The following NEIL1 variants were observed in gnomAD, a reference collection of about 807,000 sequenced individuals.
NEIL1 encodes nei like DNA glycosylase 1, also known as endonuclease 8-like 1.
NEIL1 carries 31 observed loss-of-function variants against 44.2 expected under a neutral mutation model. That is an observed-to-expected ratio of 0.70 (90% CI 0.53 to 0.95). The LOEUF is 0.95. Among genes scored for constraint, NEIL1 ranks in the 40% least tolerant of loss-of-function variants. The pLI is 0.00. For missense variants in NEIL1, 549 were observed against 515.5 expected (o/e 1.07, Z -0.63); for synonymous variants, 254 against 209.7 (o/e 1.21, Z -1.83).
At chr15:75,347,739 C>T (rs1414464373) in intron 1 of NEIL1, 2 of 982,894 alleles carry the variant, frequency 2.0e-6, no homozygotes, top group Non-Finnish European at 2.5e-6. Context: ...TTTGGGGGGC[C>T]CTGAGGAGGA....
Position 75,353,886 on chromosome 15 carries a change from A to G in NEIL1, c.846+20A>G, listed in dbSNP as rs755176996. ...TTCCAGGTTGGGCCCTACTGTTCAC[A>G]CAGGCAGAGACCCCAGGAGGCTGAT... On this transcript the variant is annotated intron_variant, in intron 6 of 9. Transcript: ENST00000355059. 19 of 1,611,626 alleles carry G rather than the reference A, an allele frequency of 1.2e-5. No homozygotes were observed. Among genetic ancestry groups the G allele is most frequent in the Middle Eastern group, 2.1e-4 (1 of 4,652 alleles).
Position 75,356,206 on chromosome 15 carries a change from G to T in NEIL1, c.*1172G>T. 5 of 1,613,336 alleles carry T rather than the reference G, an allele frequency of 3.1e-6. No homozygotes were observed. In the East Asian group the frequency reaches 1.1e-4, roughly 36 times the overall value. On this transcript the variant is annotated 3_prime_UTR_variant, in exon 10 of 10. Transcript: ENST00000355059. This position sits in a 1 kb window ranked among gnomAD's most constrained non-coding sequence, Gnocchi z 5.8. The stretch of plus-strand genomic sequence containing the variant: ...CCTCAGGACCAGCGAGCGGCGCTGG[G>T]GGCTGCTCTCCGCCTGCAGAGGAAC...
In NEIL1 at chr15:75,355,433, G is replaced by A. The variant is rs529143525; in HGVS notation, c.*399G>A. 8.9e-6 allele frequency: 2 copies of A among 224,026 alleles called. No individual in the cohort carries two copies. Among genetic ancestry groups the A allele is most frequent in the African/African-American group, 4.8e-5 (2 of 41,790 alleles). The allele number at this position is 224,026 out of a possible 1,614,324, so 13.9% of individuals were successfully genotyped here. A position where few individuals can be genotyped will look rare whatever the true frequency, so the allele number is the denominator to read the frequency against. ...CCTCAGAGGTGGTACAAAGACCCTG[G>A]CCCCAGGCAGCCCAGGAGCCAGAGC... is the stretch of plus-strand genomic sequence containing the variant. On this transcript the variant is annotated 3_prime_UTR_variant, in exon 10 of 10. Coordinates refer to ENST00000355059, the MANE Select transcript of NEIL1 (RefSeq NM_024608.4).
rs1213549309 is a variant in NEIL1, at chr15:75,356,396, G to A, written c.*1362G>A. On this transcript the variant is annotated 3_prime_UTR_variant, in exon 10 of 10. Transcript: ENST00000355059. The surrounding 1 kb of genome is among the most constrained non-coding windows in gnomAD (Gnocchi z 5.8). Reference sequence around the variant, plus strand: ...GGGCTGGGGGCTGGCAGAGCCAACAGGGGGAAGTTTAGGCTGTAGGCAGCT... The same window carrying A: ...GGGCTGGGGGCTGGCAGAGCCAACAAGGGGAAGTTTAGGCTGTAGGCAGCT... 22 of 1,610,684 alleles carry A rather than the reference G, an allele frequency of 1.4e-5. No individual in the cohort carries two copies. The highest frequency in any genetic ancestry group is 1.8e-5 in the Non-Finnish European group (21 of 1,178,752).
At chr15:75,352,455 G>T in intron 4 of NEIL1, 68 bp downstream of exon 4, 1 of 1,594,790 alleles carries the variant, frequency 6.3e-7, no homozygotes, top group Non-Finnish European at 8.6e-7. Flanking sequence ...GCAAGGAGAT[G>T]GGTGGGGTCA....
chr15:75,356,377 G>C lies in NEIL1; in HGVS notation c.*1343G>C. 6.2e-7 allele frequency: 1 copy of C among 1,611,778 alleles called. No homozygotes were observed. Among genetic ancestry groups the C allele is most frequent in the Non-Finnish European group, 8.5e-7 (1 of 1,179,242 alleles). ...CCAGGAGGTGGCGGGCGCTGGGCTGGGGGCTGGCAGAGCCAACAGGGGGAA... is the reference window on the plus strand; with the variant it reads ...CCAGGAGGTGGCGGGCGCTGGGCTGCGGGCTGGCAGAGCCAACAGGGGGAA... On this transcript the variant is annotated 3_prime_UTR_variant, in exon 10 of 10. Transcript: ENST00000355059. This position sits in a 1 kb window ranked among gnomAD's most constrained non-coding sequence, Gnocchi z 5.8.
intron 7 of NEIL1, 59 bp downstream of exon 7, chr15:75,354,336 G>A: frequency 6.2e-7 from 1 of 1,612,018 alleles, no homozygotes; most frequent in Non-Finnish European, 8.5e-7. Flanking sequence ...GCCTGCAAGG[G>A]CTACAGCACC....
chr15:75,351,882 A>C, intron 2 of NEIL1: 1 of 466,428 alleles, frequency 2.1e-6, no homozygotes. Context: ...TCGGCCTCCC[A>C]AAGTGCTGAG....
rs1422617415 is a variant in NEIL1, at chr15:75,348,944, T to G, written c.39T>G (p.Phe13Leu). 1.2e-6 allele frequency: 2 copies of G among 1,613,266 alleles called. No individual in the cohort carries two copies. The highest frequency in any genetic ancestry group is 1.7e-6 in the Non-Finnish European group (2 of 1,180,010). ...EGPELHLASQ[F>L]VNEACRALVF... ...CCGAGCTGCACCTGGCCAGCCAGTT[T>G]GTGAATGAGGCCTGCAGGGCGCTGG... Residue 13 changes from phenylalanine (F) to leucine (L), a missense_variant, in exon 2 of 10, where the codon TTT becomes TTG. By Grantham distance (22) the Phe-to-Leu change is conservative. Coordinates refer to ENST00000355059, the MANE Select transcript of NEIL1 (RefSeq NM_024608.4).
intron 1 of NEIL1, chr15:75,348,367 T>TAGATCTCGGTGGTCGCC: frequency 5.1e-6 from 5 of 977,876 alleles, no homozygotes; most frequent in Admixed American, 6.1e-5. Context: ...GTCCTAAGTG[T>TAGATCTCGGTGGTCGCC]GGGGGGAGGG....
Position 75,356,846 on chromosome 15 carries a change from G to C in NEIL1, c.*1812G>C. The C allele has an allele frequency of 6.2e-7, 1 of 1,614,150 alleles. No homozygotes were observed. The highest frequency in any genetic ancestry group is 8.5e-7 in the Non-Finnish European group (1 of 1,180,050). ...CTGACGCGCCATACTTGCAGTCGTT[G>C]AGCAGGGCCAGCCCAAAGCCGTGTT... On this transcript the variant is annotated 3_prime_UTR_variant, in exon 10 of 10. Coordinates refer to ENST00000355059, the MANE Select transcript of NEIL1 (RefSeq NM_024608.4). The surrounding 1 kb of genome is among the most constrained non-coding windows in gnomAD (Gnocchi z 5.8).
In NEIL1 at chr15:75,348,917, C is replaced by G. The variant is rs201690765; in HGVS notation, c.12C>G (p.Gly4=). The part of the protein sequence containing the change: MPE[G]PELHLASQFV... The stretch of plus-strand genomic sequence containing the variant: ...CACCCTCCCTCAGGATGCCTGAGGG[C>G]CCCGAGCTGCACCTGGCCAGCCAGT... The change falls in exon 2 of 10, where the codon GGC becomes GGG. Residue 4 remains glycine, a synonymous_variant. Coordinates refer to ENST00000355059, the MANE Select transcript of NEIL1 (RefSeq NM_024608.4). 1.1e-4 allele frequency: 171 copies of G among 1,611,720 alleles called. No homozygotes were observed. Among genetic ancestry groups the G allele is most frequent in the Admixed American group, 4.2e-4 (25 of 60,034 alleles).
rs2071677585 is a variant in NEIL1, at chr15:75,349,144, G to C, written c.239G>C (p.Gly80Ala). 6.2e-7 allele frequency: 1 copy of C among 1,610,074 alleles called. No homozygotes were observed. The highest frequency in any genetic ancestry group is 1.3e-5 in the African/African-American group (1 of 75,054). ...QEPLALVFRF[G>A]MSGSFQLVPR... ...CCACTGGCCCTGGTCTTCCGCTTCG[G>C]CATGTCCGGCTCTTTTCAGCTGGTG... Residue 80 changes from glycine to alanine, a missense_variant, in exon 2 of 10, where the codon GGC becomes GCC. By Grantham distance (60) the Gly-to-Ala change is moderately conservative. Transcript: ENST00000355059.
chr15:75,353,794 C>T lies in NEIL1; in HGVS notation c.774C>T (p.Ala258=), dbSNP rs767540442. 6.2e-7 allele frequency: 1 copy of T among 1,614,062 alleles called. No homozygotes were observed. The highest frequency in any genetic ancestry group is 2.2e-5 in the East Asian group (1 of 44,892). Residue 258 remains alanine, a synonymous_variant, in exon 6 of 10, where the codon GCC becomes GCT. Transcript: ENST00000355059. ...SGEEDFAAFR[A]WLRCYGMPGM... ...AGGAGGACTTTGCTGCCTTTCGAGC[C>T]TGGCTGCGCTGCTATGGCATGCCAG...
intron 1 of NEIL1, chr15:75,347,858 G>A (rs866242825): frequency 8.4e-7 from 1 of 1,190,976 alleles, no homozygotes; most frequent in Non-Finnish European, 1.1e-6. Context: ...ACGTTCTCCC[G>A]CAAAACGAGC....
chr15:75,354,793 G>A lies in NEIL1; in HGVS notation c.1077G>A (p.Arg359=), dbSNP rs1288500139. The change falls in exon 9 of 10, where the codon AGG becomes AGA. Residue 359 remains arginine, a synonymous_variant. Coordinates refer to ENST00000355059, the MANE Select transcript of NEIL1 (RefSeq NM_024608.4). ...PEAPTVPKKG[R]RKGRQAASGH... ...CTCCCACAGTGCCCAAGAAGGGGAG[G>A]AGGAAGGGGCGACAGGCAGCCTCTG... 2 of 1,614,088 alleles carry A rather than the reference G, an allele frequency of 1.2e-6. No individual in the cohort carries two copies. Among genetic ancestry groups the A allele is most frequent in the African/African-American group, 1.3e-5 (1 of 75,038 alleles).
rs2072298677 is a variant in NEIL1 at position 75,356,349 on chromosome 15, A to T, written c.*1315A>T. 6.2e-7 allele frequency: 1 copy of T among 1,612,220 alleles called. No individual in the cohort carries two copies. On this transcript the variant is annotated 3_prime_UTR_variant, in exon 10 of 10. Transcript: ENST00000355059. This position sits in a 1 kb window ranked among gnomAD's most constrained non-coding sequence, Gnocchi z 5.8. ...CCGCGGGTGAAGACACGGAAAACGCACTCCAGGAGGTGGCGGGCGCTGGGC... is the reference window on the plus strand; with the variant it reads ...CCGCGGGTGAAGACACGGAAAACGCTCTCCAGGAGGTGGCGGGCGCTGGGC...
In NEIL1 at chr15:75,353,802, G is replaced by A. The variant is rs534563246; in HGVS notation, c.782G>A (p.Arg261His). 5 of 1,613,864 alleles carry A rather than the reference G, an allele frequency of 3.1e-6. No individual in the cohort carries two copies. In the South Asian group the frequency reaches 3.3e-5, roughly 11 times the overall value. Residue 261 changes from arginine (R) to histidine (H), a missense_variant, in exon 6 of 10, where the codon CGC becomes CAC. Coordinates refer to ENST00000355059, the MANE Select transcript of NEIL1 (RefSeq NM_024608.4). ...TTTGCTGCCTTTCGAGCCTGGCTGCGCTGCTATGGCATGCCAGGCATGAGC... is the reference window on the plus strand; with the variant it reads ...TTTGCTGCCTTTCGAGCCTGGCTGCACTGCTATGGCATGCCAGGCATGAGC... Reference protein sequence around the residue: ...EDFAAFRAWLRCYGMPGMSSL... With the variant: ...EDFAAFRAWLHCYGMPGMSSL...
Position 75,349,342 on chromosome 15 carries a change from A to G in NEIL1, c.434+3A>G, listed in dbSNP as rs1424165878. 3.7e-6 allele frequency: 6 copies of G among 1,600,104 alleles called. No individual in the cohort carries two copies. In the African/African-American group the frequency reaches 5.4e-5, roughly 14 times the overall value. On this transcript the variant is annotated splice_donor_region_variant and intron_variant, in intron 2 of 9. Coordinates refer to ENST00000355059, the MANE Select transcript of NEIL1 (RefSeq NM_024608.4). ...TTGCAGGAGTACCAGCAGTTCAGGT[A>G]GGGCCAGCACCAGGTGTGATGAACA...
Sources: gnomAD v4.1 joint callset for allele counts on GRCh38, gnomAD v4.1.1 for gene constraint, Gnocchi (gnomAD v3.1) non-coding constraint, MANE v1.5 for transcripts, NCBI Gene and HGNC (gene_info 2026-07-23, HGNC 2026-07-21) for gene names.